The following THEMIS variants were observed in gnomAD, a reference collection of about 807,000 sequenced individuals.
THEMIS encodes protein THEMIS.
In THEMIS, 37 loss-of-function variants were observed where a neutral mutation model predicts 52.6. The observed-to-expected ratio is 0.70, with a 90% CI of 0.54 to 0.93. THEMIS has a LOEUF of 0.93. Ranked by LOEUF, THEMIS falls within the 40% of genes least tolerant of loss-of-function variation. The pLI is 0.00. For synonymous variants in THEMIS, 292 were observed against 272.7 expected, an observed-to-expected ratio of 1.07 and a Z score of -0.70; for missense variants, 808 against 763.1, an observed-to-expected ratio of 1.06 and a Z score of -0.69.
intron 3 of THEMIS, among the ~76,000 whole-genome samples, chr6:127,820,059 C>G (rs1034198967): frequency 6.6e-6 from 1 of 151,982 alleles, no homozygotes; most frequent in Non-Finnish European, 1.5e-5. Flanking sequence ...AACTGCAGTA[C>G]TCATGACGTT....
chr6:127,860,198 T>G (rs1238482915), intron 1 of THEMIS, among the ~76,000 whole-genome samples: 1 of 152,158 alleles, frequency 6.6e-6, no homozygotes, highest in East Asian at 1.9e-4. Flanking sequence ...AGAGACAATG[T>G]CATTCCCACT....
At chr6:127,821,075 A>G (rs1481088854) in intron 3 of THEMIS, among the ~76,000 whole-genome samples, 1 of 151,976 alleles carries the variant, frequency 6.6e-6, no homozygotes, top group African/African-American at 2.4e-5. Flanking sequence ...GAGAGGAAAA[A>G]CAATTAGAAT....
In THEMIS at chr6:127,868,720, T is replaced by C. The variant is rs773104426; in HGVS notation, c.92-13532A>G. Among the ~76,000 whole-genome samples, 91 of 152,142 alleles carry C rather than the reference T, an allele frequency of 6.0e-4. 1 individual carries two copies. Among genetic ancestry groups the C allele is most frequent in the Non-Finnish European group, 1.8e-4 (12 of 68,008 alleles). On this transcript the variant is annotated intron_variant, in intron 1 of 5. Coordinates refer to ENST00000368248, the MANE Select transcript of THEMIS (RefSeq NM_001010923.3). Reference sequence around the variant, plus strand: ...GAGAGGAATGGTTCAGGAGCACTCTTAATGGAGACGATAAGCTGTTGTTTT... The same window carrying C: ...GAGAGGAATGGTTCAGGAGCACTCTCAATGGAGACGATAAGCTGTTGTTTT...
chr6:127,744,713 T>TA (rs544579873), intron 4 of THEMIS, among the ~76,000 whole-genome samples: 68 of 152,092 alleles, frequency 4.5e-4, no homozygotes, highest in African/African-American at 1.6e-3. Context: ...AATATAAAGT[T>TA]ACAGTCATGC....
chr6:127,770,794 G>T (rs1038493769), intron 4 of THEMIS, among the ~76,000 whole-genome samples: 1 of 152,096 alleles, frequency 6.6e-6, no homozygotes, highest in Non-Finnish European at 1.5e-5. Flanking sequence ...ATTAAATTTT[G>T]TATAAGGTAT....
intron 2 of THEMIS, among the ~76,000 whole-genome samples, chr6:127,830,360 T>C (rs1226474374): frequency 6.6e-6 from 1 of 152,136 alleles, no homozygotes; most frequent in Admixed American, 6.5e-5. Context: ...ACACTAAAAT[T>C]AAAAGATATT....
intron 2 of THEMIS, among the ~76,000 whole-genome samples, chr6:127,836,181 G>A (rs941226903): frequency 4.6e-5 from 7 of 152,126 alleles, no homozygotes; most frequent in African/African-American, 1.7e-4. Flanking sequence ...TTAATGGAAT[G>A]TTAGTAGAAA....
At chr6:127,875,634 A>T (rs1780292386) in intron 1 of THEMIS, among the ~76,000 whole-genome samples, 2 of 152,216 alleles carry the variant, frequency 1.3e-5, no homozygotes, top group Admixed American at 1.3e-4. Context: ...AATGTAACGG[A>T]GGAACTCAAG....
chr6:127,837,432 TCTC>T (rs1778908616), intron 2 of THEMIS, among the ~76,000 whole-genome samples: 1 of 152,096 alleles, frequency 6.6e-6, no homozygotes, highest in African/African-American at 2.4e-5. Flanking sequence ...CGTAAGCTAA[TCTC>T]CTCATTTAAT....
At chr6:127,893,295 CT>C (rs901727300) in intron 1 of THEMIS, among the ~76,000 whole-genome samples, 1 of 152,010 alleles carries the variant, frequency 6.6e-6, no homozygotes, top group African/African-American at 2.4e-5. Flanking sequence ...TGACCAGTTT[CT>C]TTACAATATA....
chr6:127,875,699 G>C (rs1453732988), intron 1 of THEMIS, among the ~76,000 whole-genome samples: 1 of 152,206 alleles, frequency 6.6e-6, no homozygotes, highest in Non-Finnish European at 1.5e-5. Context: ...CATAGGACTA[G>C]TGACTACTGT....
intron 4 of THEMIS, among the ~76,000 whole-genome samples, chr6:127,755,378 C>T (rs1051855346): frequency 1.3e-5 from 2 of 152,150 alleles, no homozygotes; most frequent in Non-Finnish European, 2.9e-5. Context: ...AATCAATGAA[C>T]AAGAATTGTG....
rs187270427 is a variant in THEMIS, at chr6:127,766,670, C to T, written c.1758+46213G>A. On this transcript the variant is annotated intron_variant, in intron 4 of 5. Transcript: ENST00000368248. ...TATAAACCTGTATGTATATTATGTTCCTGTACTGAATACTCTAGGCAGTGG... is the reference window on the plus strand; with the variant it reads ...TATAAACCTGTATGTATATTATGTTTCTGTACTGAATACTCTAGGCAGTGG... Among the ~76,000 whole-genome samples, 697 of 152,190 alleles carry T rather than the reference C, an allele frequency of 4.6e-3. 3 individuals carry two copies. Among genetic ancestry groups the T allele is most frequent in the Non-Finnish European group, 7.4e-3 (506 of 67,994 alleles).
At position 127,912,443 on chromosome 6, in the gene THEMIS, T is replaced by C. The variant is rs62426511; in HGVS notation, c.-150+5985A>G. 2.9e-3 allele frequency among the ~76,000 whole-genome samples: 438 copies of C among 152,320 alleles called. 3 individuals carry two copies. The highest frequency in any genetic ancestry group is 5.5e-3 in the Non-Finnish European group (374 of 68,036). On this transcript the variant is annotated intron_variant, in intron 1 of 6. Coordinates refer to the THEMIS transcript ENST00000368250. ...TTGCTTCTAACCTCCAAGCTGTCCT[T>C]GTTCATTCCTGGGAGCAGGCTGAGT...
At chr6:127,842,217 A>G (rs758956961) in intron 2 of THEMIS, among the ~76,000 whole-genome samples, 1 of 152,062 alleles carries the variant, frequency 6.6e-6, no homozygotes, top group Non-Finnish European at 1.5e-5. Flanking sequence ...ACAATAATAA[A>G]ATAAAGATGA....
At chr6:127,878,583 G>C (rs976447496) in intron 1 of THEMIS, among the ~76,000 whole-genome samples, 3 of 152,060 alleles carry the variant, frequency 2.0e-5, no homozygotes, top group African/African-American at 7.2e-5. Context: ...TATGAGTATC[G>C]ACCAAAAATA....
chr6:127,889,631 G>C (rs1276391042), intron 1 of THEMIS, among the ~76,000 whole-genome samples: 2 of 151,998 alleles, frequency 1.3e-5, no homozygotes, highest in Non-Finnish European at 1.5e-5. Context: ...ATATTTAACA[G>C]AAAGAGTTAT....
At chr6:127,791,204 A>G (rs560952280) in intron 4 of THEMIS, among the ~76,000 whole-genome samples, 1 of 152,298 alleles carries the variant, frequency 6.6e-6, no homozygotes, top group African/African-American at 2.4e-5. Context: ...GAGCAAGGTG[A>G]AGAGGTACTT....
At chr6:127,779,717 A>T (rs913098208) in intron 4 of THEMIS, among the ~76,000 whole-genome samples, 22 of 152,160 alleles carry the variant, frequency 1.4e-4, no homozygotes, top group African/African-American at 5.3e-4. Context: ...AAATCAAATG[A>T]GTTAAAGCTG....
Sources: allele counts gnomAD v4.1 joint callset (sites outside exome capture counted in the v4.1 genomes callset), GRCh38; gene constraint gnomAD v4.1.1; transcripts MANE v1.5; gene names NCBI Gene and HGNC (gene_info 2026-07-23, HGNC 2026-07-21).